The following KCNB2 variants were observed in gnomAD, a reference collection of about 807,000 sequenced individuals.
KCNB2 encodes potassium voltage-gated channel subfamily B member 2.
KCNB2 carries 15 observed loss-of-function variants against 61.5 expected under a neutral mutation model. That is an observed-to-expected ratio of 0.24 (90% CI 0.16 to 0.38). The LOEUF is 0.38. Among genes scored for constraint, KCNB2 ranks in the 10% least tolerant of loss-of-function variants. The pLI is 1.00. For missense variants in KCNB2, 828 were observed against 1,125.2 expected (o/e 0.74, Z 3.78); for synonymous variants, 457 against 446.0 (o/e 1.02, Z -0.31).
intron 2 of KCNB2, among the ~76,000 whole-genome samples, chr8:72,886,245 C>G (rs1705816658): frequency 6.6e-6 from 1 of 152,200 alleles, no homozygotes; most frequent in African/African-American, 2.4e-5. Flanking sequence ...GCCTTCCCCA[C>G]CTCCCTGTTA....
chr8:72,608,266 G>T (rs1805484908), intron 2 of KCNB2, among the ~76,000 whole-genome samples: 1 of 152,166 alleles, frequency 6.6e-6, no homozygotes, highest in African/African-American at 2.4e-5. Flanking sequence ...CTGGAATAGG[G>T]AGGTGAGAGT....
intron 2 of KCNB2, among the ~76,000 whole-genome samples, chr8:72,686,251 T>A (rs1265124785): frequency 6.6e-6 from 1 of 152,212 alleles, no homozygotes; most frequent in African/African-American, 2.4e-5. Context: ...GTCTGCAGTA[T>A]GAGCTTGTTG....
chr8:72,746,344 C>A (rs1808065469), intron 2 of KCNB2, among the ~76,000 whole-genome samples: 1 of 139,850 alleles, frequency 7.2e-6, no homozygotes. Context: ...TGGTGAAAGG[C>A]AACCCTAGCT....
chr8:72,771,451 GATT>G (rs968243177), intron 2 of KCNB2, among the ~76,000 whole-genome samples: 1 of 152,128 alleles, frequency 6.6e-6, no homozygotes, highest in African/African-American at 2.4e-5. Context: ...GAAAGGAGCT[GATT>G]ATTCTCTGGA....
rs1463055709 is a variant in KCNB2, at chr8:72,689,329, G to A, written c.579+121016G>A. ...ACAAGCAATAAATGTAGTACATTTTGATAAGTACTGTGGTCAACATAAACT... is the reference window on the plus strand; with the variant it reads ...ACAAGCAATAAATGTAGTACATTTTAATAAGTACTGTGGTCAACATAAACT... On this transcript the variant is annotated intron_variant, in intron 2 of 2. Coordinates refer to ENST00000523207, the MANE Select transcript of KCNB2 (RefSeq NM_004770.3). Among the ~76,000 whole-genome samples the A allele has an allele frequency of 8.5e-5, 13 of 152,240 alleles. No homozygotes were observed. The East Asian group carries it at 2.3e-3, about 27-fold the overall frequency.
chr8:72,883,138 C>T (rs910780204), intron 2 of KCNB2, among the ~76,000 whole-genome samples: 1 of 152,196 alleles, frequency 6.6e-6, no homozygotes, highest in African/African-American at 2.4e-5. Flanking sequence ...TGGTTGAGAA[C>T]ATGGCTGGGG....
intron 2 of KCNB2, among the ~76,000 whole-genome samples, chr8:72,633,953 G>A (rs1354837343): frequency 1.3e-5 from 2 of 151,050 alleles, no homozygotes; most frequent in Non-Finnish European, 3.0e-5. Flanking sequence ...TTCTTTCTCC[G>A]AAAGGCAAGA....
At chr8:72,820,490 C>T (rs1809478990) in intron 2 of KCNB2, among the ~76,000 whole-genome samples, 1 of 152,094 alleles carries the variant, frequency 6.6e-6, no homozygotes, top group Admixed American at 6.5e-5. Context: ...AACTGCAAAA[C>T]AGATAGATAA....
intron 2 of KCNB2, among the ~76,000 whole-genome samples, chr8:72,928,944 T>G (rs1442976693): frequency 1.3e-5 from 1 of 77,118 alleles, no homozygotes; most frequent in Non-Finnish European, 4.2e-5. Context: ...AGATAAACAG[T>G]TTTTTTTTTA....
intron 2 of KCNB2, among the ~76,000 whole-genome samples, chr8:72,604,771 C>T (rs776167950): frequency 8.5e-5 from 13 of 152,182 alleles, no homozygotes; most frequent in Non-Finnish European, 1.9e-4. Flanking sequence ...TGTCCTTTCA[C>T]TTAGACTCCA....
intron 2 of KCNB2, among the ~76,000 whole-genome samples, chr8:72,848,896 G>A (rs1333070257): frequency 1.3e-5 from 2 of 151,746 alleles, no homozygotes; most frequent in Non-Finnish European, 2.9e-5. Flanking sequence ...TATTGGAAAT[G>A]TTTTCACTAG....
intron 2 of KCNB2, among the ~76,000 whole-genome samples, chr8:72,654,749 C>T (rs1563550044): frequency 6.6e-6 from 1 of 151,948 alleles, no homozygotes. Flanking sequence ...AAAAAGTCTC[C>T]TAGAACATGG....
intron 2 of KCNB2, among the ~76,000 whole-genome samples, chr8:72,813,042 G>T (rs977398923): frequency 6.6e-6 from 1 of 152,162 alleles, no homozygotes; most frequent in African/African-American, 2.4e-5. Context: ...GTACTTGGTT[G>T]CTAGAGATAC....
chr8:72,757,114 A>G (rs911961509), intron 2 of KCNB2, among the ~76,000 whole-genome samples: 3 of 152,112 alleles, frequency 2.0e-5, no homozygotes, highest in East Asian at 1.9e-4. Context: ...GGGAGCGCCA[A>G]TGTGCTTAAT....
chr8:72,652,100 G>A (rs905101135), intron 2 of KCNB2, among the ~76,000 whole-genome samples: 1 of 152,008 alleles, frequency 6.6e-6, no homozygotes, highest in African/African-American at 2.4e-5. Context: ...CTAGTCCAAG[G>A]CCCAAGCTTC....
chr8:72,548,097 A>G (rs539797311), intron 1 of KCNB2, among the ~76,000 whole-genome samples: 1 of 152,364 alleles, frequency 6.6e-6, no homozygotes, highest in African/African-American at 2.4e-5. Flanking sequence ...TCCCCAATAG[A>G]GCATTTTAAT....
At position 72,866,809 on chromosome 8, in the gene KCNB2, A is replaced by AT. The variant is rs1430776633; in HGVS notation, c.580-69118dup. ...AATGCTTTAGCACAGGAAGGTAGGT[A>AT]TTTTTTTTAAGTTAGGGACTCCCAA... On this transcript the variant is annotated intron_variant, in intron 2 of 2. Transcript: ENST00000523207. Among the ~76,000 whole-genome samples the AT allele has an allele frequency of 3.3e-5, 5 of 152,110 alleles. No homozygotes were observed. The East Asian group carries it at 7.7e-4, about 24-fold the overall frequency.
chr8:72,711,369 C>T (rs1211514276), intron 2 of KCNB2, among the ~76,000 whole-genome samples: 5 of 152,318 alleles, frequency 3.3e-5, no homozygotes, highest in African/African-American at 7.2e-5. Flanking sequence ...TGCCTGCATG[C>T]GCCAGGCCTC....
intron 1 of KCNB2, among the ~76,000 whole-genome samples, chr8:72,563,589 G>GCAAA: frequency 6.6e-6 from 1 of 152,118 alleles, no homozygotes; most frequent in Non-Finnish European, 1.5e-5. Flanking sequence ...GGACAGGAAA[G>GCAAA]GAGGGAAAGC....
Sources: allele counts gnomAD v4.1 joint callset (sites outside exome capture counted in the v4.1 genomes callset), GRCh38; gene constraint gnomAD v4.1.1; transcripts MANE v1.5; gene names NCBI Gene and HGNC (gene_info 2026-07-23, HGNC 2026-07-21).